Variants in SPAG9 observed in about 807,000 individuals in gnomAD.
SPAG9 encodes the protein sperm associated antigen 9, also known as C-Jun-amino-terminal kinase-interacting protein 4.
SPAG9 carries 35 observed loss-of-function variants against 166.5 expected under a neutral mutation model. The observed-to-expected ratio is 0.21, with a 90% CI of 0.16 to 0.28. SPAG9 has a LOEUF of 0.28. SPAG9 is among the 10% of genes least tolerant of loss of function. SPAG9 has a pLI of 1.00. For synonymous variants in SPAG9, 534 were observed against 565.5 expected, an observed-to-expected ratio of 0.94 and a Z score of 0.79; for missense variants, 1,235 against 1,603.3, an observed-to-expected ratio of 0.77 and a Z score of 3.92.
intron 23 of SPAG9, 57 bp downstream of exon 23, chr17:50,985,641 C>A: frequency 2.1e-6 from 2 of 961,456 alleles, no homozygotes; most frequent in Non-Finnish European, 3.2e-6. Context: ...GTCTTAAAAT[C>A]TAGTTTATAC....
chr17:50,993,000 G>A (rs1473706425), intron 19 of SPAG9, among the ~76,000 whole-genome samples: 1 of 151,076 alleles, frequency 6.6e-6, no homozygotes, highest in Non-Finnish European at 1.5e-5. Flanking sequence ...GGAGGCTAAG[G>A]CAAAAGAATC....
chr17:51,021,410 T>G lies in SPAG9; in HGVS notation c.784-45A>C, dbSNP rs747959357. ...AAAATAAAATTTTAAATGACGAATT[T>G]ACTCTAAACCACATTAAATGGGTTG... On this transcript the variant is annotated intron_variant, in intron 6 of 29. Coordinates refer to ENST00000262013, the MANE Select transcript of SPAG9 (RefSeq NM_001130528.3). The G allele has an allele frequency of 2.8e-6, 4 of 1,445,454 alleles. No homozygotes were observed. The Admixed American group carries it at 7.6e-5, about 28-fold the overall frequency. The allele number at this position is 1,445,454 out of a possible 1,614,324, so 89.5% of individuals were successfully genotyped here. A position where few individuals can be genotyped will look rare whatever the true frequency, so the allele number is the denominator to read the frequency against.
rs1401780358 is a variant in SPAG9, at chr17:50,963,740, C to T, written c.*2532G>A. ...GTTTACTTCTTGGGATTAAAATTCC[C>T]AAACACTTTGGTGTCTCTTTCTTGT... On this transcript the variant is annotated 3_prime_UTR_variant, in exon 30 of 30. Transcript: ENST00000262013. 6.6e-6 allele frequency: 1 copy of T among 152,152 alleles called. No individual in the cohort carries two copies. The highest frequency in any genetic ancestry group is 6.5e-5 in the Admixed American group (1 of 15,272). The allele number at this position is 152,152 out of a possible 1,614,324, so 9.4% of individuals were successfully genotyped here.
At chr17:51,084,681 T>A (rs2048258851) in intron 1 of SPAG9, among the ~76,000 whole-genome samples, 1 of 152,112 alleles carries the variant, frequency 6.6e-6, no homozygotes, top group Admixed American at 6.6e-5. Flanking sequence ...AGTGCTGGGA[T>A]TACAGGTGTG....
intron 1 of SPAG9, among the ~76,000 whole-genome samples, chr17:51,111,031 G>A (rs1000089935): frequency 3.3e-5 from 5 of 151,750 alleles, no homozygotes; most frequent in Non-Finnish European, 7.4e-5. Flanking sequence ...CAGGAGAATC[G>A]CTTGAATCCA....
intron 2 of SPAG9, among the ~76,000 whole-genome samples, chr17:51,064,009 T>C (rs1244423566): frequency 4.6e-5 from 7 of 152,182 alleles, no homozygotes; most frequent in African/African-American, 1.2e-4. Flanking sequence ...AATTAGACGT[T>C]AAGTATTATC....
At chr17:51,117,472 G>T (rs563513664) in intron 1 of SPAG9, among the ~76,000 whole-genome samples, 74 of 152,204 alleles carry the variant, frequency 4.9e-4, no homozygotes, top group African/African-American at 1.7e-3. Flanking sequence ...AGCACTTTGG[G>T]AGGCTGAGGC....
At chr17:51,031,822 T>C in intron 5 of SPAG9, 100 bp from the exon 6 acceptor site, 1 of 849,032 alleles carries the variant, frequency 1.2e-6, no homozygotes, top group Non-Finnish European at 1.9e-6. Context: ...AGATACAAGA[T>C]TCATCTATTA....
intron 1 of SPAG9, among the ~76,000 whole-genome samples, chr17:51,108,860 C>T (rs564581165): frequency 6.6e-5 from 10 of 151,452 alleles, no homozygotes; most frequent in African/African-American, 1.5e-4. Flanking sequence ...ACAAAAGTTT[C>T]GCTCTTGTTG....
chr17:50,975,041 A>C (rs1194774656), intron 27 of SPAG9, 94 bp from the exon 28 acceptor site: 3 of 1,186,414 alleles, frequency 2.5e-6, no homozygotes, highest in Non-Finnish European at 2.3e-6. Flanking sequence ...ATTATCTAAA[A>C]GCTACAGCCA....
chr17:51,116,352 T>A (rs1011209562), intron 1 of SPAG9, among the ~76,000 whole-genome samples: 2 of 152,176 alleles, frequency 1.3e-5, no homozygotes, highest in African/African-American at 2.4e-5. Flanking sequence ...GGCCCTTTTT[T>A]AAAAGTTACA....
chr17:50,996,769 G>A (rs1214523909), intron 15 of SPAG9, 75 bp from the exon 16 acceptor site: 1 of 1,480,198 alleles, frequency 6.8e-7, no homozygotes, highest in Non-Finnish European at 9.3e-7. Context: ...TCTCTCCTCT[G>A]TCACTAAAAC....
chr17:50,997,943 TATAAAA>T (rs1215218026), intron 15 of SPAG9, among the ~76,000 whole-genome samples: 1 of 151,802 alleles, frequency 6.6e-6, no homozygotes, highest in Non-Finnish European at 1.5e-5. Context: ...CCTTCTCTTT[TATAAAA>T]ACTGAAAAGC....
chr17:50,972,108 C>G (rs1973868524), intron 28 of SPAG9, among the ~76,000 whole-genome samples: 1 of 152,150 alleles, frequency 6.6e-6, no homozygotes, highest in African/African-American at 2.4e-5. Context: ...TTTGCCCAGG[C>G]TGGTCTCAAA....
At chr17:51,109,773 A>G (rs1004686845) in intron 1 of SPAG9, among the ~76,000 whole-genome samples, 2 of 151,934 alleles carry the variant, frequency 1.3e-5, no homozygotes, top group Non-Finnish European at 2.9e-5. Flanking sequence ...GCACAGTGGC[A>G]TGAACACATC....
At chr17:51,042,960 G>A (rs1484842990) in intron 4 of SPAG9, among the ~76,000 whole-genome samples, 2 of 152,010 alleles carry the variant, frequency 1.3e-5, no homozygotes, top group African/African-American at 2.4e-5. Context: ...GGACGATCTC[G>A]GCTCACTGCA....
chr17:50,969,551 A>C (rs1973614853), intron 29 of SPAG9, among the ~76,000 whole-genome samples: 1 of 152,126 alleles, frequency 6.6e-6, no homozygotes, highest in African/African-American at 2.4e-5. Context: ...TTTTGCTTGA[A>C]AGATAAAGTA....
At chr17:51,045,408 T>G (rs2046984450) in intron 4 of SPAG9, among the ~76,000 whole-genome samples, 1 of 152,172 alleles carries the variant, frequency 6.6e-6, no homozygotes, top group Non-Finnish European at 1.5e-5. Flanking sequence ...TATTCCCAAT[T>G]TTTATAAATC....
At chr17:51,016,694 C>T (rs543204685) in intron 8 of SPAG9, among the ~76,000 whole-genome samples, 2 of 152,188 alleles carry the variant, frequency 1.3e-5, no homozygotes, top group East Asian at 1.9e-4. Flanking sequence ...ATCATGAGGT[C>T]GGGAGTTTGA....
Sources: gnomAD v4.1 joint callset for allele counts (sites outside exome capture counted in the v4.1 genomes callset) on GRCh38, gnomAD v4.1.1 for gene constraint, MANE v1.5 for transcripts, NCBI Gene and HGNC (gene_info 2026-07-23, HGNC 2026-07-21) for gene names.